Variants in IMMP2L observed in about 807,000 individuals in gnomAD.
The protein encoded by IMMP2L is mitochondrial inner membrane protease subunit 2.
A neutral mutation model predicts 19.3 loss-of-function variants in IMMP2L; 18 were observed. That is an observed-to-expected ratio of 0.93 (90% CI 0.64 to 1.38). IMMP2L has a LOEUF of 1.38. Among genes scored for constraint, IMMP2L ranks in the 40% most tolerant of loss-of-function variants. IMMP2L has a pLI of 0.00. For missense variants in IMMP2L, 233 were observed against 218.2 expected, an observed-to-expected ratio of 1.07 and a Z score of -0.43; for synonymous variants, 76 against 73.0, an observed-to-expected ratio of 1.04 and a Z score of -0.21.
intron 3 of IMMP2L, among the ~76,000 whole-genome samples, chr7:111,236,807 T>C (rs1586965862): frequency 6.6e-6 from 1 of 152,104 alleles, no homozygotes; most frequent in Non-Finnish European, 1.5e-5. Context: ...GGCAATCAGC[T>C]GGTACAATCA....
At chr7:111,532,432 A>G (rs1847481974) in intron 1 of IMMP2L, 1 of 152,036 alleles carries the variant, frequency 6.6e-6, no homozygotes, top group Admixed American at 6.5e-5. Flanking sequence ...CCTGATCCCT[A>G]CTCTTCATGC....
intron 5 of IMMP2L, among the ~76,000 whole-genome samples, chr7:110,762,574 T>C (rs1798415102): frequency 6.6e-6 from 1 of 152,180 alleles, no homozygotes; most frequent in Non-Finnish European, 1.5e-5. Flanking sequence ...CACTCTTTTG[T>C]ATCCTTCTTG....
chr7:111,004,012 T>A (rs1197665271), intron 3 of IMMP2L, among the ~76,000 whole-genome samples: 1 of 152,120 alleles, frequency 6.6e-6, no homozygotes, highest in Non-Finnish European at 1.5e-5. Context: ...TTGCCAAAGA[T>A]CATGGATTCT....
intron 3 of IMMP2L, among the ~76,000 whole-genome samples, chr7:111,295,167 T>G (rs961314883): frequency 2.6e-5 from 4 of 151,932 alleles, no homozygotes; most frequent in African/African-American, 9.7e-5. Flanking sequence ...TACTACTTAC[T>G]TCACCATCTG....
chr7:110,724,495 T>C (rs759201780), intron 5 of IMMP2L: 2 of 152,158 alleles, frequency 1.3e-5, no homozygotes, highest in Non-Finnish European at 2.9e-5. Context: ...GTTTGCTACA[T>C]TGTAGGAAAG....
intron 5 of IMMP2L, among the ~76,000 whole-genome samples, chr7:110,776,585 T>C (rs557791001): frequency 3.9e-5 from 6 of 152,182 alleles, no homozygotes; most frequent in East Asian, 1.9e-4. Flanking sequence ...TTAAAGCTAA[T>C]TGTTGAATTG....
chr7:111,061,627 C>T (rs1314744184), intron 3 of IMMP2L, among the ~76,000 whole-genome samples: 3 of 152,156 alleles, frequency 2.0e-5, no homozygotes, highest in Admixed American at 2.0e-4. Context: ...AGCACTGCCA[C>T]CTCAATTGTC....
intron 3 of IMMP2L, among the ~76,000 whole-genome samples, chr7:111,026,770 T>G (rs1826872223): frequency 6.6e-6 from 1 of 152,162 alleles, no homozygotes; most frequent in Non-Finnish European, 1.5e-5. Flanking sequence ...CTTAAACCCG[T>G]CAAGATTTCT....
rs1822882432 is a variant in IMMP2L at position 111,306,456 on chromosome 7, A to G, written c.239+180782T>C. ...GTATGTTCCGTTCAATTTCTCTGTG[A>G]AACTAAAACTTCTCTAAAAATTATG... On this transcript the variant is annotated intron_variant, in intron 3 of 5. Transcript: ENST00000405709. 2.0e-5 allele frequency among the ~76,000 whole-genome samples: 3 copies of G among 152,270 alleles called. No homozygotes were observed. The South Asian group carries it at 6.2e-4, about 32-fold the overall frequency.
intron 3 of IMMP2L, among the ~76,000 whole-genome samples, chr7:111,218,220 C>T (rs1812160890): frequency 6.6e-6 from 1 of 150,926 alleles, no homozygotes; most frequent in South Asian, 2.1e-4. Context: ...CTGAAGTTTT[C>T]TTATGCAAGA....
At chr7:111,128,124 C>T (rs1006745342) in intron 3 of IMMP2L, among the ~76,000 whole-genome samples, 2 of 152,100 alleles carry the variant, frequency 1.3e-5, no homozygotes, top group African/African-American at 4.8e-5. Flanking sequence ...AAACTACACA[C>T]AAACATAAGT....
At chr7:111,320,913 T>G (rs1824627386) in intron 3 of IMMP2L, among the ~76,000 whole-genome samples, 1 of 152,054 alleles carries the variant, frequency 6.6e-6, no homozygotes, top group Admixed American at 6.6e-5. Flanking sequence ...TTATTCATAT[T>G]TGTATCATAA....
intron 3 of IMMP2L, among the ~76,000 whole-genome samples, chr7:111,466,735 A>C (rs1840706939): frequency 6.6e-6 from 1 of 152,182 alleles, no homozygotes; most frequent in Non-Finnish European, 1.5e-5. Context: ...AGCCAAAAGC[A>C]GATCAAACAT....
rs184184256 is a variant in IMMP2L, at chr7:110,671,367, C to T, written c.409-7646G>A. Reference sequence around the variant, plus strand: ...CTTATTTTAGATACAAATAGAAGTTCTAATTTTTTTTCTTGCCTCCCATGG... The same window carrying T: ...CTTATTTTAGATACAAATAGAAGTTTTAATTTTTTTTCTTGCCTCCCATGG... On this transcript the variant is annotated intron_variant, in intron 5 of 5. Transcript: ENST00000405709. Among the ~76,000 whole-genome samples, 7 of 152,298 alleles carry T rather than the reference C, an allele frequency of 4.6e-5. No homozygotes were observed. The East Asian group carries it at 1.2e-3, about 25-fold the overall frequency.
intron 3 of IMMP2L, among the ~76,000 whole-genome samples, chr7:111,194,857 A>G (rs936144137): frequency 2.6e-5 from 4 of 152,154 alleles, no homozygotes; most frequent in Non-Finnish European, 5.9e-5. Context: ...ATCAACTTCT[A>G]TAATCATATC....
intron 5 of IMMP2L, among the ~76,000 whole-genome samples, chr7:110,716,201 G>T (rs1053094505): frequency 5.9e-5 from 9 of 152,022 alleles, no homozygotes; most frequent in Non-Finnish European, 1.3e-4. Flanking sequence ...TTAGAGGTGA[G>T]ATGGGTCTCT....
chr7:110,913,811 G>A (rs983486427), intron 4 of IMMP2L, among the ~76,000 whole-genome samples: 5 of 152,102 alleles, frequency 3.3e-5, no homozygotes, highest in African/African-American at 1.2e-4. Context: ...ACAAAAAGAA[G>A]TCAGAGGGTG....
At chr7:111,147,143 T>C (rs758605735) in intron 3 of IMMP2L, among the ~76,000 whole-genome samples, 1 of 152,182 alleles carries the variant, frequency 6.6e-6, no homozygotes, top group Non-Finnish European at 1.5e-5. Context: ...GAAGAATTTA[T>C]AATTTCTATA....
intron 5 of IMMP2L, among the ~76,000 whole-genome samples, chr7:110,679,645 G>A: frequency 6.6e-6 from 1 of 152,038 alleles, no homozygotes; most frequent in East Asian, 1.9e-4. Flanking sequence ...CCGCTGCTGT[G>A]GTGAATGCAG....
Sources: allele counts gnomAD v4.1 joint callset (sites outside exome capture counted in the v4.1 genomes callset), GRCh38; gene constraint gnomAD v4.1.1; transcripts MANE v1.5; gene names NCBI Gene and HGNC (gene_info 2026-07-23, HGNC 2026-07-21).